The following STXBP5L variants were observed in gnomAD, a reference collection of about 807,000 sequenced individuals.
The protein encoded by STXBP5L is syntaxin-binding protein 5-like.
STXBP5L carries 65 observed loss-of-function variants against 144.5 expected under a neutral mutation model. The observed-to-expected ratio is 0.45, with a 90% CI of 0.37 to 0.55. The LOEUF is 0.55. Ranked by LOEUF, STXBP5L falls within the 20% of genes least tolerant of loss-of-function variation. The pLI, the probability that STXBP5L is intolerant of heterozygous loss-of-function variation, is 0.00. For missense variants in STXBP5L, 1,298 were observed against 1,405.5 expected, an observed-to-expected ratio of 0.92 and a Z score of 1.22; for synonymous variants, 505 against 469.6, an observed-to-expected ratio of 1.08 and a Z score of -0.97.
intron 10 of STXBP5L, 86 bp downstream of exon 10, chr3:121,206,087 G>C: frequency 1.3e-6 from 1 of 764,140 alleles, no homozygotes; most frequent in Non-Finnish European, 2.0e-6. Context: ...ATTGTTTAAA[G>C]TTTTACAAAA....
intron 3 of STXBP5L, among the ~76,000 whole-genome samples, chr3:121,027,741 C>A (rs978466830): frequency 8.6e-5 from 13 of 152,026 alleles, no homozygotes; most frequent in Non-Finnish European, 1.3e-4. Context: ...CAAACAGTGA[C>A]CTTCATTCCA....
chr3:121,146,643 C>CAA (rs1205351689), intron 7 of STXBP5L, among the ~76,000 whole-genome samples: 1 of 151,924 alleles, frequency 6.6e-6, no homozygotes, highest in African/African-American at 2.4e-5. Context: ...CGCAAAACTG[C>CAA]AAAAGGATAT....
chr3:121,164,742 A>G (rs1333696996), intron 9 of STXBP5L, among the ~76,000 whole-genome samples: 2 of 152,214 alleles, frequency 1.3e-5, no homozygotes, highest in African/African-American at 4.8e-5. Context: ...TTGCCACAAC[A>G]TAGCTGAACC....
intron 2 of STXBP5L, among the ~76,000 whole-genome samples, chr3:120,931,167 G>A (rs954160368): frequency 4.6e-5 from 7 of 151,092 alleles, no homozygotes; most frequent in Non-Finnish European, 8.8e-5. Flanking sequence ...TTGAACTTGT[G>A]TTAGGTCATT....
At chr3:120,966,238 T>A (rs1471328979) in intron 3 of STXBP5L, among the ~76,000 whole-genome samples, 3 of 152,218 alleles carry the variant, frequency 2.0e-5, no homozygotes, top group Admixed American at 1.3e-4. Context: ...CTCCTTTAGC[T>A]CGGAGAAGTT....
At chr3:121,094,323 T>A (rs2107749433) in intron 5 of STXBP5L, among the ~76,000 whole-genome samples, 1 of 152,290 alleles carries the variant, frequency 6.6e-6, no homozygotes, top group East Asian at 1.9e-4. Context: ...TTCCTGGGTA[T>A]CCTTGTCGAC....
At chr3:121,412,435 T>C (rs1191874406) in intron 23 of STXBP5L, among the ~76,000 whole-genome samples, 1 of 151,944 alleles carries the variant, frequency 6.6e-6, no homozygotes, top group Admixed American at 6.6e-5. Context: ...AAGACACTAC[T>C]CTTTGTAACC....
intron 3 of STXBP5L, among the ~76,000 whole-genome samples, chr3:120,975,079 G>T (rs555036545): frequency 1.3e-5 from 2 of 152,172 alleles, no homozygotes; most frequent in South Asian, 4.1e-4. Flanking sequence ...ATTCTGTGAA[G>T]AAAGTCATTG....
chr3:121,416,504 TTTA>T (rs1355686121), intron 25 of STXBP5L, among the ~76,000 whole-genome samples: 14 of 145,560 alleles, frequency 9.6e-5, no homozygotes, highest in East Asian at 6.1e-4. Flanking sequence ...TATTTATTTA[TTTA>T]TTATTTATTT....
chr3:121,097,221 TG>T (rs2043175322), intron 5 of STXBP5L, among the ~76,000 whole-genome samples: 1 of 152,112 alleles, frequency 6.6e-6, no homozygotes, highest in Admixed American at 6.5e-5. Flanking sequence ...TGACTGCTGT[TG>T]TGTTGGCAGT....
At chr3:121,055,316 A>T (rs1948377190) in intron 5 of STXBP5L, among the ~76,000 whole-genome samples, 1 of 152,218 alleles carries the variant, frequency 6.6e-6, no homozygotes, top group East Asian at 1.9e-4. Context: ...AAAACATCTG[A>T]TATTAGCCGT....
chr3:121,257,455 C>T, intron 17 of STXBP5L, 122 bp downstream of exon 17: 4 of 845,786 alleles, frequency 4.7e-6, no homozygotes, highest in Non-Finnish European at 7.0e-6. Context: ...TACAATTCTT[C>T]AGGGGTTACT....
chr3:121,371,789 G>C (rs1035872176), intron 20 of STXBP5L, among the ~76,000 whole-genome samples: 1 of 152,232 alleles, frequency 6.6e-6, no homozygotes, highest in Non-Finnish European at 1.5e-5. Context: ...ACTATTTTCT[G>C]TGCCTAATTT....
intron 9 of STXBP5L, among the ~76,000 whole-genome samples, chr3:121,202,356 C>G (rs2048172553): frequency 6.6e-6 from 1 of 151,974 alleles, no homozygotes; most frequent in African/African-American, 2.4e-5. Flanking sequence ...TTGTTATTGG[C>G]AAATATATAT....
chr3:121,409,861 C>T (rs904636633), intron 23 of STXBP5L, among the ~76,000 whole-genome samples: 1 of 151,596 alleles, frequency 6.6e-6, no homozygotes, highest in African/African-American at 2.4e-5. Context: ...CCCTTTTCCC[C>T]TGGTATTGAT....
chr3:121,297,983 T>C (rs1178803877), intron 19 of STXBP5L, among the ~76,000 whole-genome samples: 1 of 152,240 alleles, frequency 6.6e-6, no homozygotes, highest in African/African-American at 2.4e-5. Context: ...TCAATTATTT[T>C]GGATAAATAC....
At chr3:121,263,379 C>T (rs527739756) in intron 18 of STXBP5L, among the ~76,000 whole-genome samples, 88 of 152,200 alleles carry the variant, frequency 5.8e-4, no homozygotes, top group Middle Eastern at 3.4e-3. Context: ...CAGCACAAAA[C>T]GATGAAAATT....
At chr3:121,090,711 G>T (rs1206594508) in intron 5 of STXBP5L, among the ~76,000 whole-genome samples, 1 of 152,092 alleles carries the variant, frequency 6.6e-6, no homozygotes, top group Non-Finnish European at 1.5e-5. Context: ...TGTTGATCAT[G>T]TACAGTTTAG....
chr3:121,251,835 A>G (rs913779163), intron 15 of STXBP5L, among the ~76,000 whole-genome samples: 1 of 151,732 alleles, frequency 6.6e-6, no homozygotes, highest in African/African-American at 2.4e-5. Flanking sequence ...GAGCAAGCAA[A>G]CTAACTATCA....
Sources: gnomAD v4.1 joint callset for allele counts (sites outside exome capture counted in the v4.1 genomes callset) on GRCh38, gnomAD v4.1.1 for gene constraint, MANE v1.5 for transcripts, NCBI Gene and HGNC (gene_info 2026-07-23, HGNC 2026-07-21) for gene names.